The following KIF9 variants were observed in gnomAD, a reference collection of about 807,000 sequenced individuals.
KIF9 encodes the protein kinesin-like protein KIF9.
KIF9 carries 68 observed loss-of-function variants against 94.8 expected under a neutral mutation model. That is an observed-to-expected ratio of 0.72 (90% CI 0.59 to 0.88). The LOEUF (loss-of-function observed/expected upper bound fraction) is 0.88. Ranked by LOEUF, KIF9 falls within the 40% of genes least tolerant of loss-of-function variation. KIF9 has a pLI of 0.00. For missense variants in KIF9, 882 were observed against 982.5 expected (o/e 0.90, Z 1.37); for synonymous variants, 343 against 362.1 (o/e 0.95, Z 0.60).
At chr3:47,236,329 A>T (rs1336551097) in intron 18 of KIF9, 114 bp downstream of exon 18, 5 of 1,235,884 alleles carry the variant, frequency 4.0e-6, no homozygotes, top group Admixed American at 2.0e-5. Context: ...GCCCCTGCCC[A>T]GCCCCTGGCT....
At chr3:47,267,371 G>T in intron 5 of KIF9, 108 bp from the exon 6 acceptor site, 1 of 806,392 alleles carries the variant, frequency 1.2e-6, no homozygotes, top group Non-Finnish European at 2.1e-6. Flanking sequence ...TCATATCACT[G>T]CGATCAGCTG....
intron 17 of KIF9, among the ~76,000 whole-genome samples, chr3:47,240,369 C>T (rs148887614): frequency 6.6e-6 from 1 of 152,296 alleles, no homozygotes; most frequent in East Asian, 1.9e-4. Flanking sequence ...TTCTTGTTCC[C>T]TTACTTGGTT....
At position 47,244,888 on chromosome 3, in the gene KIF9, C is replaced by T; in HGVS notation, c.1417G>A (p.Glu473Lys). 6.2e-7 allele frequency: 1 copy of T among 1,614,148 alleles called. No homozygotes were observed. The highest frequency in any genetic ancestry group is 8.5e-7 in the Non-Finnish European group (1 of 1,180,018). The change falls in exon 15 of 21, where the codon GAG becomes AAG. Residue 473 changes from glutamate (E) to lysine (K), a missense_variant. Physicochemically the swap from Glu to Lys is moderately conservative, Grantham distance 56. Transcript: ENST00000684063. The stretch of plus-strand genomic sequence containing the variant: ...AGTCCAAAGTTTTGTCCTTCAGGCT[C>T]ACCCACTAGGTGGCCATCAACATCC... ...LVDVDGHLVG[E>K]PEGQNFGLGV...
At chr3:47,279,181 A>C (rs896921908) in intron 1 of KIF9, among the ~76,000 whole-genome samples, 36 of 147,698 alleles carry the variant, frequency 2.4e-4, no homozygotes, top group African/African-American at 5.0e-4. Flanking sequence ...AAAAAAAAAA[A>C]ACTAACGTGG....
chr3:47,271,723 C>T (rs1474807197), intron 4 of KIF9, among the ~76,000 whole-genome samples: 2 of 152,176 alleles, frequency 1.3e-5, no homozygotes, highest in African/African-American at 4.8e-5. Flanking sequence ...AGAGTCTCAT[C>T]ATTTATATGC....
intron 15 of KIF9, 157 bp downstream of exon 15, chr3:47,244,634 C>G (rs930373477): frequency 3.3e-6 from 3 of 902,698 alleles, no homozygotes; most frequent in Admixed American, 2.2e-5. Context: ...AGCCCCAGCC[C>G]GGGCCCCACA....
chr3:47,275,197 G>GT, intron 3 of KIF9, 128 bp downstream of exon 3: 2 of 741,552 alleles, frequency 2.7e-6, no homozygotes, highest in Non-Finnish European at 4.3e-6. Flanking sequence ...GTTTTGCAAC[G>GT]TAAGAACATG....
rs146548509 is a variant in KIF9 at position 47,263,976 on chromosome 3, C to T, written c.981+310G>A. Reference sequence around the variant, plus strand: ...CCAACGATCCTTCTTGATCCCAATTCCAGGAGCAGCACCCCAGGAAACATG... The same window carrying T: ...CCAACGATCCTTCTTGATCCCAATTTCAGGAGCAGCACCCCAGGAAACATG... On this transcript the variant is annotated intron_variant, in intron 9 of 20. Coordinates refer to ENST00000684063, the MANE Select transcript of KIF9 (RefSeq NM_182902.4). 7.9e-5 allele frequency: 40 copies of T among 506,906 alleles called. No homozygotes were observed. In the East Asian group the frequency reaches 2.0e-3, roughly 26 times the overall value. The allele number at this position is 506,906 out of a possible 1,614,324, so 31.4% of individuals were successfully genotyped here. A position where few individuals can be genotyped will look rare whatever the true frequency, so the allele number is the denominator to read the frequency against.
intron 5 of KIF9, 95 bp from the exon 6 acceptor site, chr3:47,267,358 G>A (rs1029611872): frequency 9.1e-6 from 8 of 877,810 alleles, no homozygotes; most frequent in Non-Finnish European, 1.5e-5. Flanking sequence ...TACACAAGTG[G>A]TCTCATATCA....
At chr3:47,277,050 CTT>C (rs1702020388) in intron 2 of KIF9, 3 of 360,074 alleles carry the variant, frequency 8.3e-6, no homozygotes, top group Admixed American at 4.6e-5. Flanking sequence ...TAAAGGTAAA[CTT>C]ATTAATTTAT....
intron 1 of KIF9, chr3:47,282,267 G>T (rs1702427699): frequency 1.0e-6 from 1 of 985,552 alleles, no homozygotes; most frequent in African/African-American, 1.7e-5. Flanking sequence ...ACGCGACGTG[G>T]GACCCCTTTG....
chr3:47,247,905 A>G, intron 11 of KIF9, 113 bp downstream of exon 11: 1 of 825,810 alleles, frequency 1.2e-6, no homozygotes, highest in Non-Finnish European at 2.0e-6. Context: ...CTGCCCCCCA[A>G]CCCCGCCCAC....
At chr3:47,250,568 G>T in intron 10 of KIF9, 2 of 491,906 alleles carry the variant, frequency 4.1e-6, no homozygotes, top group Non-Finnish European at 8.2e-6. Context: ...TTCAAGGGTG[G>T]CACATCTCAC....
rs567491090 is a variant in KIF9, at chr3:47,245,719, C to T, written c.1290-208G>A. On this transcript the variant is annotated intron_variant, in intron 13 of 20. Transcript: ENST00000684063. The stretch of plus-strand genomic sequence containing the variant: ...ACCCACTGTCCGACCCCCATACCCA[C>T]AAGGGCTACCTTATGTCATGTGTGT... The T allele has an allele frequency of 5.2e-6, 3 of 579,202 alleles. No homozygotes were observed. The East Asian group carries it at 8.6e-5, about 17-fold the overall frequency. 35.9% of individuals were successfully genotyped at this position (579,202 alleles called of 1,614,324 possible).
chr3:47,263,568 A>C, intron 9 of KIF9: 1 of 244,642 alleles, frequency 4.1e-6, no homozygotes, highest in Non-Finnish European at 8.2e-6. Context: ...TGTGGGTCAC[A>C]TCTTCAGTCC....
intron 12 of KIF9, among the ~76,000 whole-genome samples, chr3:47,246,810 G>A (rs571095354): frequency 7.2e-4 from 110 of 152,228 alleles, no homozygotes; most frequent in African/African-American, 2.4e-3. Context: ...CCTGCTTCTC[G>A]GAGCTGCCCA....
At chr3:47,281,451 G>A (rs1386534112) in intron 1 of KIF9, among the ~76,000 whole-genome samples, 2 of 152,118 alleles carry the variant, frequency 1.3e-5, no homozygotes, top group East Asian at 3.9e-4. Flanking sequence ...GGGTTCAAGC[G>A]ATCCTCCCAC....
At chr3:47,231,460 G>A (rs1225085549) in intron 20 of KIF9, among the ~76,000 whole-genome samples, 1 of 143,496 alleles carries the variant, frequency 7.0e-6, no homozygotes, top group Non-Finnish European at 1.5e-5. Flanking sequence ...GCCCAGGCTG[G>A]AGTGCAGTGG....
In KIF9 at chr3:47,243,201, T is replaced by C; in HGVS notation, c.1559A>G (p.Lys520Arg). 1.2e-6 allele frequency: 2 copies of C among 1,613,232 alleles called. No individual in the cohort carries two copies. The highest frequency in any genetic ancestry group is 1.7e-6 in the Non-Finnish European group (2 of 1,179,408). Residue 520 changes from lysine (K) to arginine (R), a missense_variant, in exon 16 of 21, where the codon AAG becomes AGG. By Grantham distance (26) the Lys-to-Arg change is conservative (BLOSUM62 2). Coordinates refer to ENST00000684063, the MANE Select transcript of KIF9 (RefSeq NM_182902.4). ...GGAGGTGGAAACGTAATCCAAGTCC[T>C]TCCCATTCACAGGGCTGCTGGCACC... ...KEGASSPVNG[K>R]DLDYVSTSKT...
Sources: gnomAD v4.1 joint callset for allele counts (sites outside exome capture counted in the v4.1 genomes callset) on GRCh38, gnomAD v4.1.1 for gene constraint, MANE v1.5 for transcripts, NCBI Gene and HGNC (gene_info 2026-07-23, HGNC 2026-07-21) for gene names.